Variants in TNS3 observed in about 807,000 individuals in gnomAD.
TNS3 encodes tensin-3.
In TNS3, 45 loss-of-function variants were observed where a neutral mutation model predicts 140.9. That is an observed-to-expected ratio of 0.32 (90% CI 0.25 to 0.41). The LOEUF is 0.41. Among genes scored for constraint, TNS3 ranks in the 10% least tolerant of loss-of-function variants. The pLI is 1.00. For missense variants in TNS3, 1,716 were observed against 1,906.7 expected, an observed-to-expected ratio of 0.90 and a Z score of 1.86; for synonymous variants, 815 against 788.4, an observed-to-expected ratio of 1.03 and a Z score of -0.56.
intron 2 of TNS3, among the ~76,000 whole-genome samples, chr7:47,512,655 T>A (rs1798651642): frequency 1.3e-5 from 2 of 152,174 alleles, no homozygotes; most frequent in South Asian, 4.2e-4. Context: ...AAAATGACAC[T>A]GGAGAGAGAC....
intron 20 of TNS3, among the ~76,000 whole-genome samples, chr7:47,336,297 A>C (rs1195363720): frequency 6.6e-6 from 1 of 151,988 alleles, no homozygotes; most frequent in Non-Finnish European, 1.5e-5. Context: ...CTGTGGTGTA[A>C]ACAATCCCGC....
intron 1 of TNS3, among the ~76,000 whole-genome samples, chr7:47,535,778 C>T (rs182062233): frequency 7.0e-4 from 106 of 152,288 alleles, no homozygotes; most frequent in African/African-American, 2.4e-3. Context: ...TCCACTCTGC[C>T]GAAATGCAAA....
At chr7:47,466,179 C>T (rs919837578) in intron 4 of TNS3, among the ~76,000 whole-genome samples, 4 of 150,348 alleles carry the variant, frequency 2.7e-5, no homozygotes, top group African/African-American at 7.3e-5. Context: ...TTCTTTGATA[C>T]GGAGCCTCTG....
chr7:47,284,911 G>A (rs1426042334), intron 27 of TNS3, among the ~76,000 whole-genome samples: 1 of 152,260 alleles, frequency 6.6e-6, no homozygotes, highest in Non-Finnish European at 1.5e-5. Flanking sequence ...AGGCAGCCCT[G>A]GGAAGCAGCT....
intron 20 of TNS3, among the ~76,000 whole-genome samples, chr7:47,324,534 T>C (rs777897319): frequency 2.7e-4 from 41 of 152,168 alleles, no homozygotes; most frequent in Non-Finnish European, 4.3e-4. Context: ...GGCAGACCGC[T>C]TGAGGTCAGG....
chr7:47,569,904 T>A (rs1260814458), intron 1 of TNS3, among the ~76,000 whole-genome samples: 1 of 151,794 alleles, frequency 6.6e-6, no homozygotes, highest in Non-Finnish European at 1.5e-5. Context: ...ATCCCAGCAC[T>A]TTGGTAGGCC....
At chr7:47,332,996 A>C (rs1788427322) in intron 20 of TNS3, among the ~76,000 whole-genome samples, 1 of 152,264 alleles carries the variant, frequency 6.6e-6, no homozygotes, top group South Asian at 2.1e-4. Context: ...CTAAACCCAA[A>C]GTGAGCAAAC....
At chr7:47,373,007 G>C (rs1452587070) in intron 16 of TNS3, among the ~76,000 whole-genome samples, 2 of 152,118 alleles carry the variant, frequency 1.3e-5, no homozygotes, top group Admixed American at 1.3e-4. Flanking sequence ...CATCCCAGGA[G>C]CTCCACAGAC....
chr7:47,299,984 T>G (rs1391789406), intron 23 of TNS3, among the ~76,000 whole-genome samples: 1 of 152,214 alleles, frequency 6.6e-6, no homozygotes, highest in African/African-American at 2.4e-5. Flanking sequence ...ACTGGGACAG[T>G]AGTACTTAAT....
intron 20 of TNS3, among the ~76,000 whole-genome samples, chr7:47,324,360 A>G (rs145884837): frequency 2.2e-3 from 336 of 152,380 alleles, no homozygotes; most frequent in African/African-American, 7.6e-3. Context: ...AATTAAATTA[A>G]GTACACAGAT....
chr7:47,392,397 A>C (rs532513063), intron 16 of TNS3, among the ~76,000 whole-genome samples: 1 of 152,320 alleles, frequency 6.6e-6, no homozygotes, highest in African/African-American at 2.4e-5. Context: ...GCAGCTGCAG[A>C]GGGCTCCATT....
intron 22 of TNS3, among the ~76,000 whole-genome samples, chr7:47,302,710 C>A (rs1786476639): frequency 6.6e-6 from 1 of 152,228 alleles, no homozygotes; most frequent in Non-Finnish European, 1.5e-5. Context: ...TCTGCACTTT[C>A]TACAACTGGA....
intron 20 of TNS3, among the ~76,000 whole-genome samples, chr7:47,339,785 C>T (rs1562609600): frequency 1.3e-5 from 2 of 151,906 alleles, no homozygotes; most frequent in African/African-American, 4.8e-5. Flanking sequence ...AAAGAAGTGA[C>T]AGCTCTACTA....
chr7:47,280,221 A>AT (rs1295819646), intron 29 of TNS3, 31 bp from the exon 30 acceptor site: 10 of 1,613,920 alleles, frequency 6.2e-6, no homozygotes, highest in South Asian at 2.2e-5. Flanking sequence ...ACAGAGGTTA[A>AT]TTTTTTTAAA....
intron 23 of TNS3, among the ~76,000 whole-genome samples, chr7:47,301,889 T>C (rs1786421892): frequency 6.6e-6 from 1 of 152,178 alleles, no homozygotes; most frequent in South Asian, 2.1e-4. Flanking sequence ...CTGGCATCAC[T>C]GGCAAGCCAG....
intron 2 of TNS3, among the ~76,000 whole-genome samples, chr7:47,509,760 G>A (rs552722735): frequency 3.3e-5 from 5 of 151,778 alleles, no homozygotes; most frequent in Admixed American, 6.6e-5. Context: ...CCTCATTCAC[G>A]CCATCCTGCA....
intron 20 of TNS3, among the ~76,000 whole-genome samples, chr7:47,328,248 G>A (rs1175021964): frequency 2.6e-5 from 4 of 152,222 alleles, no homozygotes; most frequent in South Asian, 2.1e-4. Flanking sequence ...AAAGAATCCC[G>A]GGATTGTTGA....
chr7:47,321,040 C>T (rs972207770), intron 20 of TNS3, among the ~76,000 whole-genome samples: 7 of 152,242 alleles, frequency 4.6e-5, no homozygotes, highest in Non-Finnish European at 8.8e-5. Context: ...TGTGTCCCTT[C>T]TGACTCTTGG....
chr7:47,525,731 G>A (rs1799167449), intron 2 of TNS3, among the ~76,000 whole-genome samples: 1 of 151,994 alleles, frequency 6.6e-6, no homozygotes, highest in African/African-American at 2.4e-5. Context: ...TGTGTGCACT[G>A]CTTGTCCTCA....
Sources: allele counts gnomAD v4.1 joint callset (sites outside exome capture counted in the v4.1 genomes callset), GRCh38; gene constraint gnomAD v4.1.1; transcripts MANE v1.5; gene names NCBI Gene and HGNC (gene_info 2026-07-23, HGNC 2026-07-21).